AHCTF1: variants seen among roughly 807,000 people sequenced by gnomAD.
AHCTF1 encodes the protein AT-hook containing transcription factor 1, also known as protein ELYS.
A neutral mutation model predicts 248.4 loss-of-function variants in AHCTF1; 24 were observed. The observed-to-expected ratio is 0.10, with a 90% confidence interval of 0.07 to 0.14. The LOEUF (loss-of-function observed/expected upper bound fraction) is 0.14, where lower values mean the gene tolerates loss of function less well. Among genes scored for constraint, AHCTF1 ranks in the 10% least tolerant of loss-of-function variants. The pLI, the probability that AHCTF1 is intolerant of heterozygous loss-of-function variation, is 1.00. For missense variants in AHCTF1, 2,206 were observed against 2,636.2 expected (o/e 0.84, Z 3.57); for synonymous variants, 786 against 929.8 (o/e 0.85, Z 2.81).
chr1:246,887,975 A>C (rs1014946566), intron 19 of AHCTF1, among the ~76,000 whole-genome samples: 3 of 152,182 alleles, frequency 2.0e-5, no homozygotes, highest in Non-Finnish European at 4.4e-5. Context: ...TAGAAAAACA[A>C]ATAAAAAACA....
At chr1:246,893,105 A>G (rs10436931) in intron 14 of AHCTF1, among the ~76,000 whole-genome samples, 30,415 of 152,204 alleles carry the variant, frequency 0.2, 3,317 homozygotes, top group Admixed American at 0.24. Context: ...TTCTCAAAGA[A>G]TAACAAAACT....
chr1:246,893,897 A>T (rs1436201410), intron 14 of AHCTF1, among the ~76,000 whole-genome samples: 1 of 152,248 alleles, frequency 6.6e-6, no homozygotes, highest in African/African-American at 2.4e-5. Flanking sequence ...ACCTGCTGCA[A>T]AATCTTGGTC....
At chr1:246,912,827 T>C (rs928852291) in intron 4 of AHCTF1, among the ~76,000 whole-genome samples, 15 of 152,270 alleles carry the variant, frequency 9.9e-5, no homozygotes, top group African/African-American at 3.4e-4. Flanking sequence ...ATAAACAATA[T>C]GCCAAGAACA....
chr1:246,853,127 T>G lies in AHCTF1; in HGVS notation c.4527A>C (p.Pro1509=). The change falls in exon 32 of 36, where the codon CCA becomes CCC. Residue 1509 remains proline, a synonymous_variant. Transcript: ENST00000648844. ...GAGTATCAGGAGGGCTGTCAGAAAT[T>G]GGAAGCTTTTCTTCTGGTAAGTCAA... ...ESVDLPEEKL[P]ISDSPPDTQE... is the part of the protein sequence containing the mutation. 1.2e-5 allele frequency: 19 copies of G among 1,609,702 alleles called. No homozygotes were observed. Among genetic ancestry groups the G allele is most frequent in the Non-Finnish European group, 1.5e-5 (18 of 1,178,614 alleles).
chr1:246,919,826 C>T (rs891664419), intron 1 of AHCTF1, among the ~76,000 whole-genome samples: 1 of 151,706 alleles, frequency 6.6e-6, no homozygotes, highest in Non-Finnish European at 1.5e-5. Flanking sequence ...TTAAAGAATT[C>T]TCAAAGTTAA....
At position 246,898,260 on chromosome 1, in the gene AHCTF1, G is replaced by C; in HGVS notation, c.1571C>G (p.Ala524Gly). 6.2e-7 allele frequency: 1 copy of C among 1,612,506 alleles called. No individual in the cohort carries two copies. Among genetic ancestry groups the C allele is most frequent in the Non-Finnish European group, 8.5e-7 (1 of 1,179,964 alleles). The change falls in exon 12 of 36, where the codon GCT (alanine) becomes GGT (glycine). Residue 524 changes from alanine to glycine, a missense_variant. Coordinates refer to ENST00000648844, the MANE Select transcript of AHCTF1 (RefSeq NM_001323342.2). ...AACAAATCTTGGGGAAAGAAGGCCA[G>C]CTACAAGACATCGATTATAACCATC... ...IPDGYNRCLV[A>G]GLLSPRFVDV...
At position 246,890,940 on chromosome 1, in the gene AHCTF1, T is replaced by C. The variant is rs770214297; in HGVS notation, c.2050+16A>G. Reference sequence around the variant, plus strand: ...AATGTTTTAATTAATACTTATAGATTAAGTAAATATTTTACCTATGCCTTC... The same window carrying C: ...AATGTTTTAATTAATACTTATAGATCAAGTAAATATTTTACCTATGCCTTC... On this transcript the variant is annotated intron_variant, in intron 16 of 35. Coordinates refer to ENST00000648844, the MANE Select transcript of AHCTF1 (RefSeq NM_001323342.2). The C allele has an allele frequency of 3.5e-6, 5 of 1,446,340 alleles. No individual in the cohort carries two copies. Among genetic ancestry groups the C allele is most frequent in the Non-Finnish European group, 4.6e-6 (5 of 1,084,280 alleles). 89.6% of individuals were successfully genotyped at this position (1,446,340 alleles called of 1,614,324 possible). A position where few individuals can be genotyped will look rare whatever the true frequency, so the allele number is the denominator to read the frequency against.
chr1:246,881,139 G>C (rs192224759), intron 21 of AHCTF1, among the ~76,000 whole-genome samples: 2 of 152,276 alleles, frequency 1.3e-5, no homozygotes, highest in East Asian at 1.9e-4. Context: ...AAAGTAAAAA[G>C]ACTGGGGAAA....
At chr1:246,854,374 T>A (rs1488870656) in intron 31 of AHCTF1, among the ~76,000 whole-genome samples, 1 of 148,938 alleles carries the variant, frequency 6.7e-6, no homozygotes, top group African/African-American at 2.5e-5. Flanking sequence ...CCGAAAGAAA[T>A]ACTGACATAG....
At chr1:246,869,268 C>T (rs1662373623) in intron 24 of AHCTF1, among the ~76,000 whole-genome samples, 1 of 152,148 alleles carries the variant, frequency 6.6e-6, no homozygotes, top group African/African-American at 2.4e-5. Flanking sequence ...GCGTCTCTCC[C>T]TTTCCCCGAG....
At chr1:246,930,016 C>A (rs145531202) in intron 1 of AHCTF1, among the ~76,000 whole-genome samples, 3,873 of 150,796 alleles carry the variant, frequency 0.026, 181 homozygotes, top group African/African-American at 0.089. Flanking sequence ...TGTGCCACTG[C>A]ACTCCAGCCT....
chr1:246,858,799 C>CAAA (rs112857397), intron 29 of AHCTF1, among the ~76,000 whole-genome samples: 2 of 130,178 alleles, frequency 1.5e-5, no homozygotes, highest in Admixed American at 7.5e-5. Flanking sequence ...AACTCTGTCT[C>CAAA]AAAAAAAAAA....
chr1:246,907,514 T>A, intron 5 of AHCTF1, 37 bp downstream of exon 5: 3 of 1,577,188 alleles, frequency 1.9e-6, no homozygotes, highest in Non-Finnish European at 1.7e-6. Flanking sequence ...GCAAAAAAAC[T>A]ACCTATAATC....
chr1:246,918,441 T>A (rs2103229603), intron 1 of AHCTF1, 64 bp from the exon 2 acceptor site: 1 of 1,424,024 alleles, frequency 7.0e-7, no homozygotes, highest in East Asian at 2.6e-5. Flanking sequence ...CTTGATTATG[T>A]CCAGCCAGGA....
Position 246,851,016 on chromosome 1 carries a change from T to A in AHCTF1, c.4990A>T (p.Ile1664Phe). Reference sequence around the variant, plus strand: ...AAATTTTCTGCAATTGCTACTTTAATAGGTTCAGGCACATATGGTAAAGTG... The same window carrying A: ...AAATTTTCTGCAATTGCTACTTTAAAAGGTTCAGGCACATATGGTAAAGTG... ...VDTLPYVPEP[I>F]KVAIAENLLD... Residue 1664 changes from isoleucine to phenylalanine, a missense_variant, in exon 33 of 36, where the codon ATT becomes TTT. Coordinates refer to ENST00000648844, the MANE Select transcript of AHCTF1 (RefSeq NM_001323342.2). 1 of 1,613,996 alleles carries A rather than the reference T, an allele frequency of 6.2e-7. No homozygotes were observed. Among genetic ancestry groups the A allele is most frequent in the Non-Finnish European group, 8.5e-7 (1 of 1,179,870 alleles).
At chr1:246,896,744 T>TAAA (rs1664601557) in intron 12 of AHCTF1, among the ~76,000 whole-genome samples, 1 of 152,198 alleles carries the variant, frequency 6.6e-6, no homozygotes, top group African/African-American at 2.4e-5. Context: ...AAGCTGATAT[T>TAAA]TTGAAAATCA....
At position 246,867,732 on chromosome 1, in the gene AHCTF1, G is replaced by A. The variant is rs1662088102; in HGVS notation, c.3168C>T (p.Asn1056=). 3 of 1,612,138 alleles carry A rather than the reference G, an allele frequency of 1.9e-6. No individual in the cohort carries two copies. The highest frequency in any genetic ancestry group is 2.5e-6 in the Non-Finnish European group (3 of 1,178,774). ...GTVLTRSVFI[N]NVLSKIGEVW... is the part of the protein sequence containing the mutation. ...CTTCTCCAATTTTAGATAACACATT[G>A]TTGATGAAAACAGATCTTGTCAACA... is the stretch of plus-strand genomic sequence containing the variant. Residue 1056 remains asparagine (N), a synonymous_variant, in exon 25 of 36, where the codon AAC becomes AAT. Coordinates refer to ENST00000648844, the MANE Select transcript of AHCTF1 (RefSeq NM_001323342.2).
rs1179329835 is a variant in AHCTF1 at position 246,841,006 on chromosome 1, A to C, written c.6609-8T>G. ...CTTTCTTTTTCTGTGTTTCTGAAAA[A>C]AAAAGATATGATCAAGTAAGAATAA... On this transcript the variant is annotated splice_region_variant and splice_polypyrimidine_tract_variant and intron_variant, in intron 35 of 35. Transcript: ENST00000648844. 6.3e-7 allele frequency: 1 copy of C among 1,592,574 alleles called. No individual in the cohort carries two copies. The highest frequency in any genetic ancestry group is 8.5e-7 in the Non-Finnish European group (1 of 1,173,646).
At chr1:246,870,206 G>C (rs1452797053) in intron 24 of AHCTF1, among the ~76,000 whole-genome samples, 3 of 152,158 alleles carry the variant, frequency 2.0e-5, no homozygotes, top group Non-Finnish European at 2.9e-5. Flanking sequence ...TACTTTTGGA[G>C]GCCAAGGTGG....
Sources: allele counts gnomAD v4.1 joint callset (sites outside exome capture counted in the v4.1 genomes callset), GRCh38; gene constraint gnomAD v4.1.1; transcripts MANE v1.5; gene names NCBI Gene and HGNC (gene_info 2026-07-23, HGNC 2026-07-21).